Variants in KDM5B observed in about 807,000 individuals in gnomAD.
The protein encoded by KDM5B is lysine demethylase 5B.
In KDM5B, 144 loss-of-function variants were observed where a neutral mutation model predicts 193.4. That is an observed-to-expected ratio of 0.74 (90% CI 0.65 to 0.86). KDM5B has a LOEUF of 0.86. Ranked by LOEUF, KDM5B falls within the 40% of genes least tolerant of loss-of-function variation. The pLI is 0.00. For missense variants in KDM5B, 1,833 were observed against 1,886.9 expected (o/e 0.97, Z 0.53); for synonymous variants, 668 against 682.6 (o/e 0.98, Z 0.33).
Position 202,750,705 on chromosome 1 carries a change from T to G in KDM5B, c.1775A>C (p.Gln592Pro). Residue 592 changes from glutamine (Q) to proline (P), a missense_variant, in exon 13 of 27, where the codon CAG (glutamine) becomes CCG (proline). Transcript: ENST00000367265. Reference sequence around the variant, plus strand: ...AACAGCCTCAGCAAAATTAAAACCCTGGTTAAAACCACTGTGGTAGGCTCT... The same window carrying G: ...AACAGCCTCAGCAAAATTAAAACCCGGGTTAAAACCACTGTGGTAGGCTCT... ...FPRAYHSGFN[Q>P]GFNFAEAVNF... 6.2e-7 allele frequency: 1 copy of G among 1,614,042 alleles called. No homozygotes were observed. Among genetic ancestry groups the G allele is most frequent in the Non-Finnish European group, 8.5e-7 (1 of 1,179,882 alleles).
intron 1 of KDM5B, among the ~76,000 whole-genome samples, chr1:202,791,687 TCAC>T (rs1657649265): frequency 6.6e-6 from 1 of 152,156 alleles, no homozygotes. Context: ...CTAATCTTTC[TCAC>T]CAGTCAATTA....
At position 202,725,160 on chromosome 1, in the gene KDM5B, C is replaced by G. The variant is rs1654631675; in HGVS notation, c.*3876G>C. ...ATTAACCCAGAACACAAACAGGGAG[C>G]TGGATTATCTGTTCTGTTGTTGACT... is the stretch of plus-strand genomic sequence containing the variant. On this transcript the variant is annotated 3_prime_UTR_variant, in exon 27 of 27. Coordinates refer to ENST00000367265, the MANE Select transcript of KDM5B (RefSeq NM_006618.5). 6.6e-6 allele frequency: 1 copy of G among 152,162 alleles called. No homozygotes were observed. Among genetic ancestry groups the G allele is most frequent in the Non-Finnish European group, 1.5e-5 (1 of 68,036 alleles). The allele number at this position is 152,162 out of a possible 1,614,324, so 9.4% of individuals were successfully genotyped here.
Position 202,728,861 on chromosome 1 carries a change from G to A in KDM5B, c.*175C>T, listed in dbSNP as rs990458852. ...ACAAAAAGTGTCAAAAATTTTTTTA[G>A]TTGTTTTTTCTTTTCTTCAAAGAGT... On this transcript the variant is annotated 3_prime_UTR_variant, in exon 27 of 27. Transcript: ENST00000367265. 25 of 733,162 alleles carry A rather than the reference G, an allele frequency of 3.4e-5. No individual in the cohort carries two copies. In the African/African-American group the frequency reaches 4.0e-4, roughly 12 times the overall value. 45.4% of individuals were successfully genotyped at this position (733,162 alleles called of 1,614,324 possible). A position where few individuals can be genotyped will look rare whatever the true frequency, so the allele number is the denominator to read the frequency against.
chr1:202,761,649 A>T (rs950260923), intron 7 of KDM5B, among the ~76,000 whole-genome samples: 1 of 152,188 alleles, frequency 6.6e-6, no homozygotes, highest in African/African-American at 2.4e-5. Flanking sequence ...TGCTGTCCTT[A>T]TAAGGACAAA....
chr1:202,775,279 T>C (rs1463025608), intron 2 of KDM5B, among the ~76,000 whole-genome samples: 2 of 151,932 alleles, frequency 1.3e-5, no homozygotes, highest in African/African-American at 4.8e-5. Context: ...GGCTCATGGC[T>C]GTAATCCCAG....
intron 1 of KDM5B, among the ~76,000 whole-genome samples, chr1:202,781,538 A>G (rs1257576752): frequency 6.6e-6 from 1 of 152,234 alleles, no homozygotes; most frequent in African/African-American, 2.4e-5. Flanking sequence ...AGTGAAAAAG[A>G]TTAAAGTCTG....
At chr1:202,749,676 A>G (rs1391112236) in intron 13 of KDM5B, among the ~76,000 whole-genome samples, 1 of 152,170 alleles carries the variant, frequency 6.6e-6, no homozygotes, top group Admixed American at 6.5e-5. Context: ...GGTTAAAAAA[A>G]AAAAAAAGAC....
At position 202,727,168 on chromosome 1, in the gene KDM5B, G is replaced by C. The variant is rs1654703039; in HGVS notation, c.*1868C>G. ...TAAAGGCAGTGGCTTTATATTAGCA[G>C]CAGGGTCTCCTTTTAAGCTTAATTT... On this transcript the variant is annotated 3_prime_UTR_variant, in exon 27 of 27. Transcript: ENST00000367265. 1 of 152,212 alleles carries C rather than the reference G, an allele frequency of 6.6e-6. No homozygotes were observed. The allele number at this position is 152,212 out of a possible 1,614,324, so 9.4% of individuals were successfully genotyped here. A position where few individuals can be genotyped will look rare whatever the true frequency, so the allele number is the denominator to read the frequency against.
intron 12 of KDM5B, 54 bp from the exon 13 acceptor site, chr1:202,750,832 C>T (rs1299720307): frequency 3.4e-5 from 53 of 1,564,556 alleles, no homozygotes; most frequent in Non-Finnish European, 4.5e-5. Flanking sequence ...GACATTGTTA[C>T]TAAAGACAAT....
chr1:202,801,419 C>G (rs1658069141), intron 1 of KDM5B, among the ~76,000 whole-genome samples: 1 of 152,110 alleles, frequency 6.6e-6, no homozygotes, highest in Non-Finnish European at 1.5e-5. Flanking sequence ...AGAATGCATT[C>G]CAGTCAAATT....
chr1:202,758,182 T>C (rs1391649246), intron 9 of KDM5B, among the ~76,000 whole-genome samples: 1 of 152,256 alleles, frequency 6.6e-6, no homozygotes, highest in Non-Finnish European at 1.5e-5. Flanking sequence ...GTGGAAGAGG[T>C]ATCTTTAGAG....
intron 8 of KDM5B, among the ~76,000 whole-genome samples, chr1:202,759,161 T>C (rs1656136465): frequency 6.6e-6 from 1 of 152,228 alleles, no homozygotes; most frequent in South Asian, 2.1e-4. Context: ...TTTATAGCCA[T>C]GCTATACTTA....
chr1:202,788,361 A>T (rs1657497864), intron 1 of KDM5B, among the ~76,000 whole-genome samples: 1 of 152,248 alleles, frequency 6.6e-6, no homozygotes, highest in African/African-American at 2.4e-5. Context: ...AGTTTTAAAG[A>T]ACTTGTTTCA....
At chr1:202,782,137 G>C (rs1657223303) in intron 1 of KDM5B, among the ~76,000 whole-genome samples, 1 of 152,030 alleles carries the variant, frequency 6.6e-6, no homozygotes, top group Non-Finnish European at 1.5e-5. Context: ...TAAAGAAATA[G>C]TTTGAGAAGA....
intron 4 of KDM5B, among the ~76,000 whole-genome samples, chr1:202,769,668 C>CAAAAA (rs71142553): frequency 8.9e-5 from 5 of 55,946 alleles, no homozygotes; most frequent in Non-Finnish European, 1.5e-4. Flanking sequence ...GACTCTGTCT[C>CAAAAA]AAAAAAAAAA....
At chr1:202,783,052 C>G (rs955738624) in intron 1 of KDM5B, among the ~76,000 whole-genome samples, 1 of 152,110 alleles carries the variant, frequency 6.6e-6, no homozygotes, top group African/African-American at 2.4e-5. Context: ...TTGAATCCAG[C>G]CTGGCCAACA....
At chr1:202,788,174 A>T (rs1277625073) in intron 1 of KDM5B, among the ~76,000 whole-genome samples, 1 of 152,198 alleles carries the variant, frequency 6.6e-6, no homozygotes, top group Non-Finnish European at 1.5e-5. Flanking sequence ...CAATGTCAAC[A>T]TTTTTAGAAA....
chr1:202,771,913 G>A (rs892675219), intron 4 of KDM5B, among the ~76,000 whole-genome samples: 2 of 152,032 alleles, frequency 1.3e-5, no homozygotes, highest in Non-Finnish European at 2.9e-5. Flanking sequence ...TCATCCATGG[G>A]CTCACTAAAC....
chr1:202,732,042 G>GAA (rs756754712), intron 23 of KDM5B, 103 bp from the exon 24 acceptor site: 1,308 of 374,508 alleles, frequency 3.5e-3, no homozygotes, highest in South Asian at 6.7e-3. Flanking sequence ...GCAACCAGGG[G>GAA]AAAAAAAAAA....
Sources: gnomAD v4.1 joint callset for allele counts (sites outside exome capture counted in the v4.1 genomes callset) on GRCh38, gnomAD v4.1.1 for gene constraint, MANE v1.5 for transcripts, NCBI Gene and HGNC (gene_info 2026-07-23, HGNC 2026-07-21) for gene names.